TMEM17: variants seen among roughly 807,000 people sequenced by gnomAD.
The protein encoded by TMEM17 is transmembrane protein 17.
In TMEM17, 15 loss-of-function variants were observed where a neutral mutation model predicts 19.1. That is an observed-to-expected ratio of 0.78 (90% confidence interval 0.52 to 1.21). TMEM17 has a LOEUF of 1.21. Ranked by LOEUF, TMEM17 falls within the 50% of genes most tolerant of loss-of-function variation. The pLI is 0.00. For synonymous variants in TMEM17, 103 were observed against 86.9 expected, an observed-to-expected ratio of 1.19 and a Z score of -1.03; for missense variants, 245 against 242.3, an observed-to-expected ratio of 1.01 and a Z score of -0.07.
At chr2:62,481,698 GGTGTGTGTGT>G in the TMEM17 span, among the ~76,000 whole-genome samples, 26 of 144,152 alleles carry the variant, frequency 1.8e-4, no homozygotes, top group South Asian at 7.0e-4. Flanking sequence ...ACCCCTTAAA[GGTGTGTGTGT>G]GTGTGTGTGT....
At chr2:62,485,436 A>G in the TMEM17 span, among the ~76,000 whole-genome samples, 1 of 152,222 alleles carries the variant, frequency 6.6e-6, no homozygotes, top group Non-Finnish European at 1.5e-5. Flanking sequence ...TGGCCTTTCT[A>G]ATTCTCAGAG....
chr2:62,470,437 T>G, the TMEM17 span, among the ~76,000 whole-genome samples: 1 of 152,230 alleles, frequency 6.6e-6, no homozygotes, highest in Non-Finnish European at 1.5e-5. Context: ...GTGGCTGCCC[T>G]CAGAGGGATA....
At chr2:62,488,297 C>T in the TMEM17 span, among the ~76,000 whole-genome samples, 1 of 152,044 alleles carries the variant, frequency 6.6e-6, no homozygotes, top group Non-Finnish European at 1.5e-5. Flanking sequence ...CAGATAGCTA[C>T]TGTAGATAGG....
At chr2:62,462,485 C>A in the TMEM17 span, among the ~76,000 whole-genome samples, 1 of 152,300 alleles carries the variant, frequency 6.6e-6, no homozygotes, top group South Asian at 2.1e-4. Context: ...AAATCCACCC[C>A]TCCCCACTGG....
chr2:62,457,379 G>C, the TMEM17 span, among the ~76,000 whole-genome samples: 1 of 152,178 alleles, frequency 6.6e-6, no homozygotes, highest in Non-Finnish European at 1.5e-5. This position sits in a 1 kb window ranked among gnomAD's most constrained non-coding sequence, Gnocchi z 4.2. Context: ...TCCCCGTCGC[G>C]GACCTGGAGG....
At chr2:62,502,346 G>T in intron 3 of TMEM17, 91 bp downstream of exon 3, 1 of 792,510 alleles carries the variant, frequency 1.3e-6, no homozygotes, top group Non-Finnish European at 2.0e-6. Flanking sequence ...TCAGGCCTGT[G>T]CTCTTTCTGC....
downstream of TMEM17, among the ~76,000 whole-genome samples, chr2:62,495,785 A>G (rs1454506986): frequency 6.6e-6 from 1 of 152,224 alleles, no homozygotes; most frequent in African/African-American, 2.4e-5. Flanking sequence ...CAATCCCTTA[A>G]AGACCTCTTT....
chr2:62,502,650 A>G (rs570067448), intron 2 of TMEM17, 41 bp downstream of exon 2: 1 of 1,511,776 alleles, frequency 6.6e-7, no homozygotes, highest in Non-Finnish European at 9.0e-7. Flanking sequence ...TTGACACTCT[A>G]ACAACGTCAG....
At chr2:62,468,203 A>C in the TMEM17 span, among the ~76,000 whole-genome samples, 1 of 152,142 alleles carries the variant, frequency 6.6e-6, no homozygotes, top group Non-Finnish European at 1.5e-5. Context: ...CTACAGAGGC[A>C]GCCAGCAGCC....
chr2:62,455,589 A>G, the TMEM17 span, among the ~76,000 whole-genome samples: 15 of 152,246 alleles, frequency 9.9e-5, no homozygotes, highest in African/African-American at 3.1e-4. Context: ...CAACATTGTG[A>G]AAACCCGTCT....
chr2:62,486,281 T>A, the TMEM17 span, among the ~76,000 whole-genome samples: 1 of 152,178 alleles, frequency 6.6e-6, no homozygotes, highest in Non-Finnish European at 1.5e-5. Context: ...GGCCTGAAGA[T>A]GTGGACAAAA....
At chr2:62,464,450 CT>C in the TMEM17 span, among the ~76,000 whole-genome samples, 1 of 152,226 alleles carries the variant, frequency 6.6e-6, no homozygotes, top group Non-Finnish European at 1.5e-5. Flanking sequence ...CAAGGCACCC[CT>C]GTCACGAGTC....
intron 1 of TMEM17, among the ~76,000 whole-genome samples, chr2:62,505,718 T>A (rs1437009506): frequency 6.6e-6 from 1 of 152,156 alleles, no homozygotes; most frequent in Admixed American, 6.5e-5. Context: ...TTTATCTTTT[T>A]ATTTTTGGGG....
the TMEM17 span, chr2:62,491,371 G>A: frequency 6.6e-6 from 1 of 152,110 alleles, no homozygotes; most frequent in Admixed American, 6.6e-5. Flanking sequence ...AACCAGCCCA[G>A]GTTGGAAATG....
At chr2:62,493,245 C>A in the TMEM17 span, among the ~76,000 whole-genome samples, 1 of 152,132 alleles carries the variant, frequency 6.6e-6, no homozygotes, top group Non-Finnish European at 1.5e-5. Flanking sequence ...CCAGGCTGGT[C>A]TCAAACTCCT....
At chr2:62,474,119 A>G in the TMEM17 span, among the ~76,000 whole-genome samples, 2 of 152,166 alleles carry the variant, frequency 1.3e-5, no homozygotes, top group African/African-American at 4.8e-5. Context: ...CAAAGAGCCT[A>G]AGAAGGGAGC....
At chr2:62,487,868 A>T in the TMEM17 span, among the ~76,000 whole-genome samples, 1 of 152,058 alleles carries the variant, frequency 6.6e-6, no homozygotes, top group Non-Finnish European at 1.5e-5. Context: ...TAATTTTTGT[A>T]TTTTTAGTAG....
At chr2:62,471,273 G>A in the TMEM17 span, among the ~76,000 whole-genome samples, 54 of 152,318 alleles carry the variant, frequency 3.5e-4, no homozygotes, top group African/African-American at 1.2e-3. Context: ...ACAGAGAGCA[G>A]TTAGAGTACA....
the TMEM17 span, among the ~76,000 whole-genome samples, chr2:62,483,403 C>G: frequency 6.6e-6 from 1 of 152,136 alleles, no homozygotes; most frequent in African/African-American, 2.4e-5. Context: ...TAGGAAAAGG[C>G]AAGCAAAGCA....
Sources: gnomAD v4.1 joint callset for allele counts (sites outside exome capture counted in the v4.1 genomes callset) on GRCh38, gnomAD v4.1.1 for gene constraint, Gnocchi (gnomAD v3.1) non-coding constraint, MANE v1.5 for transcripts, NCBI Gene and HGNC (gene_info 2026-07-23, HGNC 2026-07-21) for gene names.